SBF2: variants seen among roughly 807,000 people sequenced by gnomAD.
SBF2 encodes SET binding factor 2.
Under a neutral mutation model 225.2 loss-of-function variants are expected in SBF2, and 112 were observed. That is an observed-to-expected ratio of 0.50 (90% CI 0.43 to 0.58). SBF2 has a LOEUF of 0.58. SBF2 is among the 20% of genes least tolerant of loss of function. The probability of loss-of-function intolerance (pLI) is 0.00; values close to 1 mark genes in which losing one functional copy is unlikely to be tolerated. For missense variants in SBF2, 1,996 were observed against 2,206.2 expected, an observed-to-expected ratio of 0.90 and a Z score of 1.91; for synonymous variants, 763 against 773.3, an observed-to-expected ratio of 0.99 and a Z score of 0.22.
intron 2 of SBF2, among the ~76,000 whole-genome samples, chr11:10,112,037 A>G (rs1480977930): frequency 1.3e-5 from 2 of 152,234 alleles, no homozygotes; most frequent in Non-Finnish European, 2.9e-5. Flanking sequence ...TGAATCACAG[A>G]AAGATGTAGT....
chr11:9,968,302 T>C (rs375428523), intron 14 of SBF2, 39 bp downstream of exon 14: 17 of 1,583,494 alleles, frequency 1.1e-5, no homozygotes, highest in African/African-American at 1.3e-5. Context: ...TACATCCTTA[T>C]AAACAGTTTA....
intron 2 of SBF2, among the ~76,000 whole-genome samples, chr11:10,143,918 A>C (rs893984481): frequency 2.6e-5 from 4 of 151,880 alleles, no homozygotes; most frequent in African/African-American, 9.7e-5. Flanking sequence ...ACGGGGTTTC[A>C]CCGCATTAGC....
At chr11:10,012,212 C>T (rs1366521404) in intron 6 of SBF2, among the ~76,000 whole-genome samples, 2 of 152,180 alleles carry the variant, frequency 1.3e-5, no homozygotes, top group African/African-American at 4.8e-5. Flanking sequence ...GTGGCATAAT[C>T]ACAGCTCACT....
intron 3 of SBF2, among the ~76,000 whole-genome samples, chr11:10,035,295 T>G (rs992046000): frequency 1.3e-5 from 2 of 152,096 alleles, no homozygotes; most frequent in Non-Finnish European, 2.9e-5. Flanking sequence ...ACGTAAGACC[T>G]AAAACCATAA....
chr11:10,264,584 T>C (rs1470386808), intron 1 of SBF2, among the ~76,000 whole-genome samples: 1 of 152,182 alleles, frequency 6.6e-6, no homozygotes, highest in Non-Finnish European at 1.5e-5. Flanking sequence ...TTTTTGTTAA[T>C]TTTTAAAATT....
At chr11:10,130,603 T>C (rs989861067) in intron 2 of SBF2, among the ~76,000 whole-genome samples, 6 of 147,700 alleles carry the variant, frequency 4.1e-5, no homozygotes, top group South Asian at 2.1e-4. Context: ...ATCACATGCA[T>C]AGATCTGTGT....
intron 2 of SBF2, among the ~76,000 whole-genome samples, chr11:10,160,656 A>G (rs997386380): frequency 6.6e-6 from 1 of 152,074 alleles, no homozygotes; most frequent in African/African-American, 2.4e-5. Flanking sequence ...CTTTTTCATG[A>G]GAGAGAGAAA....
chr11:9,964,358 T>C (rs1866767542), intron 14 of SBF2, among the ~76,000 whole-genome samples: 1 of 152,246 alleles, frequency 6.6e-6, no homozygotes, highest in Non-Finnish European at 1.5e-5. Flanking sequence ...GTTCCAGTGT[T>C]GAAGTATCAG....
intron 17 of SBF2, among the ~76,000 whole-genome samples, chr11:9,892,329 G>A (rs981938786): frequency 2.0e-5 from 3 of 151,888 alleles, no homozygotes; most frequent in Non-Finnish European, 4.4e-5. Flanking sequence ...ATGTTGGCCA[G>A]GCTGGTCTCG....
At chr11:9,851,815 G>A (rs924535633) in intron 21 of SBF2, among the ~76,000 whole-genome samples, 1 of 152,088 alleles carries the variant, frequency 6.6e-6, no homozygotes, top group Non-Finnish European at 1.5e-5. Context: ...CTGTCACCCA[G>A]GCTGGAGTGC....
intron 37 of SBF2, 131 bp downstream of exon 37, chr11:9,784,994 A>T: frequency 1.2e-6 from 1 of 845,230 alleles, no homozygotes; most frequent in Non-Finnish European, 1.9e-6. Flanking sequence ...ACATTACAAA[A>T]ATTAAAGCAA....
intron 16 of SBF2, among the ~76,000 whole-genome samples, chr11:9,926,218 T>C (rs946182755): frequency 6.6e-6 from 1 of 152,226 alleles, no homozygotes; most frequent in African/African-American, 2.4e-5. Context: ...TAGAAAAATA[T>C]TTCGGGTAGA....
At chr11:10,177,526 C>G (rs915096618) in intron 2 of SBF2, among the ~76,000 whole-genome samples, 14 of 149,712 alleles carry the variant, frequency 9.4e-5, no homozygotes, top group Non-Finnish European at 1.8e-4. Flanking sequence ...ACAAAAATCA[C>G]AAGCATTCTT....
chr11:10,178,331 A>G (rs1422824609), intron 2 of SBF2, among the ~76,000 whole-genome samples: 1 of 149,870 alleles, frequency 6.7e-6, no homozygotes, highest in Non-Finnish European at 1.5e-5. Flanking sequence ...ACAAAAGCCA[A>G]AATTGACAAA....
At chr11:9,886,377 C>CT (rs976594684) in intron 17 of SBF2, among the ~76,000 whole-genome samples, 4 of 151,780 alleles carry the variant, frequency 2.6e-5, no homozygotes, top group African/African-American at 7.3e-5. Flanking sequence ...GACCTCTATT[C>CT]TTTTTTTTCT....
intron 1 of SBF2, chr11:10,302,811 CA>C: frequency 6.5e-6 from 1 of 153,070 alleles, no homozygotes; most frequent in East Asian, 1.9e-4. Context: ...GGAGAACGAA[CA>C]CCCCCGCCGC....
intron 27 of SBF2, among the ~76,000 whole-genome samples, chr11:9,831,401 G>C (rs182255239): frequency 3.9e-4 from 60 of 152,338 alleles, no homozygotes; most frequent in African/African-American, 1.4e-3. Context: ...CCAGTAGTGA[G>C]ACTTCAAGGC....
chr11:10,205,868 C>T (rs1565353458), intron 1 of SBF2, among the ~76,000 whole-genome samples: 1 of 151,942 alleles, frequency 6.6e-6, no homozygotes, highest in Non-Finnish European at 1.5e-5. Flanking sequence ...CAGCTAGCAC[C>T]AGCAAGAGGT....
intron 13 of SBF2, among the ~76,000 whole-genome samples, chr11:9,987,518 C>G (rs1947253358): frequency 6.6e-6 from 1 of 152,040 alleles, no homozygotes; most frequent in Non-Finnish European, 1.5e-5. Flanking sequence ...ACCTTGAAAA[C>G]CCCAAGGACT....
Sources: gnomAD v4.1 joint callset for allele counts (sites outside exome capture counted in the v4.1 genomes callset) on GRCh38, gnomAD v4.1.1 for gene constraint, MANE v1.5 for transcripts, NCBI Gene and HGNC (gene_info 2026-07-23, HGNC 2026-07-21) for gene names.